The following STPG2 variants were observed in gnomAD, a reference collection of about 807,000 sequenced individuals.
STPG2 encodes the protein sperm-tail PG-rich repeat-containing protein 2.
A neutral mutation model predicts 54.2 loss-of-function variants in STPG2; 56 were observed. That is an observed-to-expected ratio of 1.03 (90% confidence interval 0.83 to 1.29). STPG2 has a LOEUF of 1.29. Ranked by LOEUF, STPG2 falls within the 50% of genes most tolerant of loss-of-function variation. STPG2 has a pLI of 0.00. For missense variants in STPG2, 596 were observed against 544.9 expected, an observed-to-expected ratio of 1.09 and a Z score of -0.93; for synonymous variants, 200 against 181.8, an observed-to-expected ratio of 1.10 and a Z score of -0.81.
At chr4:97,493,697 C>A (rs1273523313) in intron 4 of STPG2, among the ~76,000 whole-genome samples, 1 of 151,322 alleles carries the variant, frequency 6.6e-6, no homozygotes, top group South Asian at 2.1e-4. Context: ...TTTTAGATTC[C>A]CATGAAAAAG....
chr4:97,834,514 T>A (rs1728574400), intron 9 of STPG2, among the ~76,000 whole-genome samples: 1 of 151,278 alleles, frequency 6.6e-6, no homozygotes, highest in African/African-American at 2.4e-5. Flanking sequence ...TCATAAAAAA[T>A]TATTATTATT....
intron 4 of STPG2, among the ~76,000 whole-genome samples, chr4:97,464,260 A>T (rs2148810519): frequency 6.6e-6 from 1 of 152,356 alleles, no homozygotes; most frequent in East Asian, 1.9e-4. Flanking sequence ...CACAAATGAA[A>T]GTACGCAGTA....
intron 10 of STPG2, among the ~76,000 whole-genome samples, chr4:97,585,117 A>AAC (rs1553940207): frequency 1.4e-5 from 2 of 146,770 alleles, no homozygotes; most frequent in African/African-American, 5.2e-5. Context: ...AAAAAAAAAA[A>AAC]AAAAAAACAA....
At chr4:97,504,568 T>A (rs1346966972) in intron 4 of STPG2, among the ~76,000 whole-genome samples, 1 of 151,956 alleles carries the variant, frequency 6.6e-6, no homozygotes, top group Non-Finnish European at 1.5e-5. Flanking sequence ...CCAATTATTA[T>A]ATTCAGTTGA....
intron 8 of STPG2, among the ~76,000 whole-genome samples, chr4:97,896,678 GA>G (rs1419248089): frequency 6.6e-6 from 1 of 151,588 alleles, no homozygotes; most frequent in African/African-American, 2.4e-5. Flanking sequence ...ACATCTTTAT[GA>G]ATGCAAATTT....
intron 4 of STPG2, among the ~76,000 whole-genome samples, chr4:97,532,008 CA>C (rs1342233193): frequency 6.6e-6 from 1 of 151,602 alleles, no homozygotes; most frequent in Non-Finnish European, 1.5e-5. Flanking sequence ...TATGTACCCA[CA>C]AAAAAATACA....
At chr4:97,823,929 G>T (rs2149106792) in intron 9 of STPG2, among the ~76,000 whole-genome samples, 1 of 152,244 alleles carries the variant, frequency 6.6e-6, no homozygotes, top group African/African-American at 2.4e-5. Context: ...GGAGGTGAGA[G>T]TCCTTCCTAA....
chr4:97,882,017 C>T (rs905390257), intron 8 of STPG2, among the ~76,000 whole-genome samples: 3 of 152,010 alleles, frequency 2.0e-5, no homozygotes, highest in Non-Finnish European at 4.4e-5. Flanking sequence ...AGGCAGGTGC[C>T]CCCCTCCCCA....
intron 8 of STPG2, among the ~76,000 whole-genome samples, chr4:97,887,845 G>A (rs907794114): frequency 1.1e-4 from 16 of 152,278 alleles, no homozygotes; most frequent in Non-Finnish European, 1.9e-4. Context: ...GAACAGAATG[G>A]TTTTGTGAGC....
chr4:97,973,914 T>C lies in STPG2; in HGVS notation c.773-1474A>G, dbSNP rs557687791. ...TTAGAGCCACCACACAGAGTCCCTT[T>C]TGGGGCACCACCTAGTGGAGCTATG... On this transcript the variant is annotated intron_variant, in intron 6 of 10. Transcript: ENST00000295268. 3.3e-3 allele frequency among the ~76,000 whole-genome samples: 503 copies of C among 152,264 alleles called. 1 individual carries two copies. The highest frequency in any genetic ancestry group is 0.011 in the African/African-American group (461 of 41,554).
At chr4:97,791,087 T>C (rs1275922174) in intron 9 of STPG2, among the ~76,000 whole-genome samples, 1 of 152,214 alleles carries the variant, frequency 6.6e-6, no homozygotes, top group African/African-American at 2.4e-5. Flanking sequence ...AGGTGTGTTT[T>C]CATTATTTCT....
chr4:98,095,872 CTCAGCCTAT>C (rs1421890334), intron 5 of STPG2, among the ~76,000 whole-genome samples: 9 of 152,152 alleles, frequency 5.9e-5, no homozygotes. Flanking sequence ...CACTCTTCTC[CTCAGCCTAT>C]AGATCATTCT....
intron 3 of STPG2, among the ~76,000 whole-genome samples, chr4:98,122,841 T>C (rs2110157069): frequency 6.6e-6 from 1 of 152,288 alleles, no homozygotes; most frequent in East Asian, 1.9e-4. Flanking sequence ...GGCCTCGATT[T>C]CAGAACTCAT....
At chr4:98,142,577 A>C (rs1046502162) in intron 1 of STPG2, among the ~76,000 whole-genome samples, 1 of 152,196 alleles carries the variant, frequency 6.6e-6, no homozygotes, top group African/African-American at 2.4e-5. Context: ...TGAAAAAAAA[A>C]CGGAACTATC....
intron 7 of STPG2, among the ~76,000 whole-genome samples, chr4:97,968,845 C>T (rs572434046): frequency 6.6e-6 from 1 of 152,156 alleles, no homozygotes; most frequent in Non-Finnish European, 1.5e-5. Flanking sequence ...AAAGACAATG[C>T]CAGGCTGGGC....
chr4:97,950,843 T>C (rs552750268), intron 7 of STPG2, among the ~76,000 whole-genome samples: 1 of 152,294 alleles, frequency 6.6e-6, no homozygotes, highest in South Asian at 2.1e-4. Context: ...TAGATTGCCT[T>C]TGTAGGACTA....
At chr4:98,025,026 A>C (rs1177591012) in intron 5 of STPG2, among the ~76,000 whole-genome samples, 1 of 152,140 alleles carries the variant, frequency 6.6e-6, no homozygotes, top group African/African-American at 2.4e-5. Flanking sequence ...AATTACCCCC[A>C]TCTGTATTCC....
chr4:97,868,296 T>A (rs969538003), intron 8 of STPG2, among the ~76,000 whole-genome samples: 21 of 152,076 alleles, frequency 1.4e-4, no homozygotes, highest in African/African-American at 5.1e-4. Context: ...CTCATTGATA[T>A]TATAATTTTG....
At chr4:97,593,792 C>T (rs1733208588) in intron 10 of STPG2, among the ~76,000 whole-genome samples, 1 of 152,122 alleles carries the variant, frequency 6.6e-6, no homozygotes, top group African/African-American at 2.4e-5. Flanking sequence ...AACACCTCAG[C>T]CCCTCAAATG....
Sources: gnomAD v4.1 joint callset for allele counts (sites outside exome capture counted in the v4.1 genomes callset) on GRCh38, gnomAD v4.1.1 for gene constraint, MANE v1.5 for transcripts, NCBI Gene and HGNC (gene_info 2026-07-23, HGNC 2026-07-21) for gene names.